FAM241B: variants seen among roughly 807,000 people sequenced by gnomAD.
FAM241B encodes family with sequence similarity 241 member B, also known as protein FAM241B.
FAM241B carries 7 observed loss-of-function variants against 9.3 expected under a neutral mutation model. The observed-to-expected ratio is 0.75, with a 90% CI of 0.43 to 1.41. FAM241B has a LOEUF of 1.41. Ranked by LOEUF, FAM241B falls within the 40% of genes most tolerant of loss-of-function variation. The probability of loss-of-function intolerance (pLI) is 0.01; values close to 1 mark genes in which losing one functional copy is unlikely to be tolerated. For missense variants in FAM241B, 136 were observed against 159.6 expected, an observed-to-expected ratio of 0.85 and a Z score of 0.80; for synonymous variants, 60 against 64.1, an observed-to-expected ratio of 0.94 and a Z score of 0.31.
chr10:69,631,950 T>C, intron 3 of FAM241B, 111 bp downstream of exon 3: 1 of 806,218 alleles, frequency 1.2e-6, no homozygotes. Context: ...CCTGAAGCCC[T>C]CTTTGCAGAG....
chr10:69,631,626 T>TA (rs1241721943), intron 2 of FAM241B, 79 bp downstream of exon 2: 2 of 1,551,564 alleles, frequency 1.3e-6, no homozygotes, highest in Admixed American at 2.0e-5. Flanking sequence ...CCCAGATCAC[T>TA]AACAGCTAAA....
At chr10:69,632,455 C>T (rs1302780698) in intron 3 of FAM241B, among the ~76,000 whole-genome samples, 1 of 74,244 alleles carries the variant, frequency 1.3e-5, no homozygotes, top group African/African-American at 5.2e-5. Context: ...GAGACTCCGT[C>T]TCAAAAAAAA....
chr10:69,633,432 T>C lies in FAM241B; in HGVS notation c.*373T>C, dbSNP rs932329777. 3.7e-6 allele frequency: 1 copy of C among 268,612 alleles called. No individual in the cohort carries two copies. The highest frequency in any genetic ancestry group is 7.1e-6 in the Non-Finnish European group (1 of 141,188). The allele number at this position is 268,612 out of a possible 1,614,324, so 16.6% of individuals were successfully genotyped here. On this transcript the variant is annotated 3_prime_UTR_variant, in exon 4 of 4. Coordinates refer to ENST00000373279, the MANE Select transcript of FAM241B (RefSeq NM_145306.3). ...AAGACATGCCGACGTCTCCTCTGCC[T>C]AGGGAGCAGGACTTGGGCTTAGGGC...
intron 1 of FAM241B, among the ~76,000 whole-genome samples, chr10:69,631,120 G>A (rs1052029502): frequency 6.6e-6 from 1 of 152,194 alleles, no homozygotes; most frequent in African/African-American, 2.4e-5. Flanking sequence ...TTAGTACCCA[G>A]GGAGGGCCCT....
Position 69,633,263 on chromosome 10 carries a change from G to A in FAM241B, c.*204G>A, listed in dbSNP as rs1338009381. Reference sequence around the variant, plus strand: ...TTCCAAAGTGTGGGTGGGTCCGTTGGTTCCCAAGATACTTTTAGGTGGTAT... The same window carrying A: ...TTCCAAAGTGTGGGTGGGTCCGTTGATTCCCAAGATACTTTTAGGTGGTAT... On this transcript the variant is annotated 3_prime_UTR_variant, in exon 4 of 4. Coordinates refer to ENST00000373279, the MANE Select transcript of FAM241B (RefSeq NM_145306.3). 2 of 743,946 alleles carry A rather than the reference G, an allele frequency of 2.7e-6. No individual in the cohort carries two copies. The highest frequency in any genetic ancestry group is 3.5e-5 in the African/African-American group (2 of 56,512). 46.1% of individuals were successfully genotyped at this position (743,946 alleles called of 1,614,324 possible). A position where few individuals can be genotyped will look rare whatever the true frequency, so the allele number is the denominator to read the frequency against.
chr10:69,630,790 C>T (rs1839804473), intron 1 of FAM241B: 5 of 718,418 alleles, frequency 7.0e-6, no homozygotes, highest in Non-Finnish European at 7.6e-6. Flanking sequence ...CAGCAACCCC[C>T]TCCCATATTT....
In FAM241B at chr10:69,630,249, G is replaced by C. The variant is rs1383674675; in HGVS notation, c.-168G>C. 1 of 152,632 alleles carries C rather than the reference G, an allele frequency of 6.6e-6. No individual in the cohort carries two copies. Among genetic ancestry groups the C allele is most frequent in the Non-Finnish European group, 1.5e-5 (1 of 68,392 alleles). The allele number at this position is 152,632 out of a possible 1,614,324, so 9.5% of individuals were successfully genotyped here. ...CGGCGCGCGCTTCCTGTGAGGTCAGGTGGGAGGAAACCGCCTGGAGCCGCC... is the reference window on the plus strand; with the variant it reads ...CGGCGCGCGCTTCCTGTGAGGTCAGCTGGGAGGAAACCGCCTGGAGCCGCC... On this transcript the variant is annotated 5_prime_UTR_variant, in exon 1 of 4. Transcript: ENST00000373279.
In FAM241B at chr10:69,632,960, G is replaced by C. The variant is rs750596351; in HGVS notation, c.267G>C (p.Val89=). 2 of 1,614,180 alleles carry C rather than the reference G, an allele frequency of 1.2e-6. No homozygotes were observed. The highest frequency in any genetic ancestry group is 2.2e-5 in the East Asian group (1 of 44,872). The change falls in exon 4 of 4, where the codon GTG becomes GTC. Residue 89 remains valine, a synonymous_variant. Transcript: ENST00000373279. The stretch of plus-strand genomic sequence containing the variant: ...TTGGCAACCATGCTGTGGAGCCGGT[G>C]ACCTCCATCCTGCTCCTCTTCCTGC... ...WHLGNHAVEP[V]TSILLLFLLM... is the part of the protein sequence containing the mutation.
rs763938745 is a variant in FAM241B at position 69,631,798 on chromosome 10, A to G, written c.55A>G (p.Arg19Gly). The G allele has an allele frequency of 6.2e-7, 1 of 1,613,056 alleles. No individual in the cohort carries two copies. The highest frequency in any genetic ancestry group is 1.1e-5 in the South Asian group (1 of 90,488). The change falls in exon 3 of 4, where the codon AGG (arginine) becomes GGG (glycine). Residue 19 changes from arginine (R) to glycine (G), a missense_variant. Physicochemically the swap from Arg to Gly is moderately radical, Grantham distance 125. Coordinates refer to ENST00000373279, the MANE Select transcript of FAM241B (RefSeq NM_145306.3). ...EIVQDDDPRV[R>G]TTTQPPRGSI... ...CGTGCAGGATGACGACCCCCGAGTG[A>G]GGACCACTACCCAGCCACCAAGAGG...
chr10:69,632,801 C>A lies in FAM241B; in HGVS notation c.108C>A (p.Asn36Lys), dbSNP rs12020. 2 of 1,613,162 alleles carry A rather than the reference C, an allele frequency of 1.2e-6. No homozygotes were observed. The highest frequency in any genetic ancestry group is 1.7e-6 in the Non-Finnish European group (2 of 1,179,746). The change falls in exon 4 of 4, where the codon AAC becomes AAA. Residue 36 changes from asparagine to lysine, a missense_variant. By Grantham distance (94) the Asn-to-Lys change is moderately conservative (BLOSUM62 0). Coordinates refer to ENST00000373279, the MANE Select transcript of FAM241B (RefSeq NM_145306.3). ...RGSIPRQSFFNRGHGAPPGGP... is the reference protein window; with the variant it reads ...RGSIPRQSFFKRGHGAPPGGP... ...TCTTCACATTCCAGAGCTTCTTCAACAGGGGCCATGGTGCTCCCCCAGGGG... is the reference window on the plus strand; with the variant it reads ...TCTTCACATTCCAGAGCTTCTTCAAAAGGGGCCATGGTGCTCCCCCAGGGG...
At chr10:69,632,079 G>A (rs560468781) in intron 3 of FAM241B, among the ~76,000 whole-genome samples, 50 of 152,282 alleles carry the variant, frequency 3.3e-4, no homozygotes, top group African/African-American at 1.1e-3. Context: ...AAACCTCACT[G>A]GAGCTAGCGT....
chr10:69,630,621 AC>A, intron 1 of FAM241B: 1 of 1,297,402 alleles, frequency 7.7e-7, no homozygotes, highest in Non-Finnish European at 1.0e-6. Context: ...AGGGCTCCTG[AC>A]CTTTTTCGGC....
intron 3 of FAM241B, 112 bp from the exon 4 acceptor site, chr10:69,632,678 G>T (rs969591878): frequency 1.5e-5 from 18 of 1,219,048 alleles, no homozygotes; most frequent in African/African-American, 3.0e-5. Context: ...GAGAAAGGAG[G>T]GTGTGACCCT....
chr10:69,632,605 T>C (rs1030279052), intron 3 of FAM241B, among the ~76,000 whole-genome samples, 185 bp from the exon 4 acceptor site: 1 of 152,180 alleles, frequency 6.6e-6, no homozygotes, highest in African/African-American at 2.4e-5. Flanking sequence ...ACTGGCATGT[T>C]CTGTGCTCTG....
chr10:69,631,372 C>A, intron 1 of FAM241B, 108 bp from the exon 2 acceptor site: 1 of 939,172 alleles, frequency 1.1e-6, no homozygotes, highest in Non-Finnish European at 1.5e-6. Context: ...GGCAGTAAAA[C>A]TTCCTTTGCC....
At chr10:69,631,687 C>T (rs1200492361) in intron 2 of FAM241B, 22 bp from the exon 3 acceptor site, 1 of 1,588,456 alleles carries the variant, frequency 6.3e-7, no homozygotes, top group African/African-American at 1.3e-5. Context: ...ATTAGCCTGC[C>T]CACCCTGACC....
At chr10:69,632,058 A>G (rs1182258340) in intron 3 of FAM241B, among the ~76,000 whole-genome samples, 2 of 152,042 alleles carry the variant, frequency 1.3e-5, no homozygotes, top group African/African-American at 4.8e-5. Flanking sequence ...CTCTCCTTTA[A>G]CTTGGTTAGC....
chr10:69,631,112 A>G (rs181409322), intron 1 of FAM241B, among the ~76,000 whole-genome samples: 51 of 152,316 alleles, frequency 3.3e-4, no homozygotes, highest in African/African-American at 1.1e-3. Flanking sequence ...CTCCCAGTTT[A>G]GTACCCAGGG....
At chr10:69,632,312 G>T (rs1839839820) in intron 3 of FAM241B, among the ~76,000 whole-genome samples, 1 of 152,016 alleles carries the variant, frequency 6.6e-6, no homozygotes, top group Non-Finnish European at 1.5e-5. Flanking sequence ...TACAAAATTA[G>T]CCAGGTGTGG....
Sources: allele counts gnomAD v4.1 joint callset (sites outside exome capture counted in the v4.1 genomes callset), GRCh38; gene constraint gnomAD v4.1.1; transcripts MANE v1.5; gene names NCBI Gene and HGNC (gene_info 2026-07-23, HGNC 2026-07-21).